Variants in ANKRD42 observed in about 807,000 individuals in gnomAD.
The protein encoded by ANKRD42 is ankyrin repeat domain-containing protein 42.
In ANKRD42, 43 loss-of-function variants were observed where a neutral mutation model predicts 51.5. The observed-to-expected ratio is 0.83, with a 90% CI of 0.65 to 1.08. The LOEUF (loss-of-function observed/expected upper bound fraction) is 1.08. ANKRD42 is among the 50% of genes least tolerant of loss of function. The probability of loss-of-function intolerance (pLI) is 0.00; values close to 1 mark genes in which losing one functional copy is unlikely to be tolerated. For synonymous variants in ANKRD42, 203 were observed against 213.0 expected (o/e 0.95, Z 0.41); for missense variants, 608 against 629.3 (o/e 0.97, Z 0.36).
chr11:83,244,421 C>T (rs929753632), intron 9 of ANKRD42, among the ~76,000 whole-genome samples: 2 of 152,174 alleles, frequency 1.3e-5, no homozygotes, highest in African/African-American at 4.8e-5. Flanking sequence ...ATAGATAAAT[C>T]ATTGGTGTTA....
rs1863521384 is a variant in ANKRD42, at chr11:83,245,639, A to G, written c.1322+15A>G. On this transcript the variant is annotated intron_variant, in intron 10 of 10. Coordinates refer to ENST00000533342, the MANE Select transcript of ANKRD42 (RefSeq NM_001300975.2). ...GAGTCTGAAAAGTAATGTCCTTAAA[A>G]CTTTAATGATTTGTTTTTAAATACC... 2.0e-6 allele frequency: 3 copies of G among 1,525,012 alleles called. No homozygotes were observed. The highest frequency in any genetic ancestry group is 2.1e-5 in the Admixed American group (1 of 47,802). 94.5% of individuals were successfully genotyped at this position (1,525,012 alleles called of 1,614,324 possible). A position where few individuals can be genotyped will look rare whatever the true frequency, so the allele number is the denominator to read the frequency against.
chr11:83,241,796 T>G (rs1420618000), intron 9 of ANKRD42, among the ~76,000 whole-genome samples: 1 of 152,170 alleles, frequency 6.6e-6, no homozygotes, highest in East Asian at 1.9e-4. Context: ...TGTGATCTGA[T>G]TCACATTTAA....
intron 5 of ANKRD42, among the ~76,000 whole-genome samples, chr11:83,216,906 C>T (rs769799932): frequency 2.0e-5 from 3 of 152,166 alleles, no homozygotes; most frequent in Non-Finnish European, 2.9e-5. Flanking sequence ...GGGAACTGGG[C>T]GGCAGTCATT....
chr11:83,218,543 T>C (rs2135518054), intron 5 of ANKRD42, among the ~76,000 whole-genome samples: 1 of 152,308 alleles, frequency 6.6e-6, no homozygotes, highest in East Asian at 1.9e-4. Flanking sequence ...TCCGAGAATT[T>C]CCCTAAATCT....
At chr11:83,254,631 G>C (rs1052055753) in intron 11 of ANKRD42, among the ~76,000 whole-genome samples, 3 of 151,916 alleles carry the variant, frequency 2.0e-5, no homozygotes, top group African/African-American at 7.3e-5. Context: ...GGGTTGGCCA[G>C]GCTAGTCTTG....
chr11:83,258,760 TA>T (rs1863817890), downstream of ANKRD42, among the ~76,000 whole-genome samples: 2 of 152,026 alleles, frequency 1.3e-5, no homozygotes, highest in Non-Finnish European at 2.9e-5. Flanking sequence ...ACTTAAAAAA[TA>T]AACAAGTGTT....
At chr11:83,243,099 T>TATGA (rs1863442301) in intron 9 of ANKRD42, among the ~76,000 whole-genome samples, 2 of 152,334 alleles carry the variant, frequency 1.3e-5, no homozygotes, top group Admixed American at 6.5e-5. Flanking sequence ...ACCAGCAGTG[T>TATGA]ATGAATGTTC....
Position 83,194,696 on chromosome 11 carries a change from C to T in ANKRD42, c.26C>T (p.Pro9Leu). 6.2e-7 allele frequency: 1 copy of T among 1,612,344 alleles called. No homozygotes were observed. The highest frequency in any genetic ancestry group is 8.5e-7 in the Non-Finnish European group (1 of 1,179,124). ...ATGCCCGGGGTGGCCAATTCAGGCC[C>T]CTCCACTTCCTCTAGGGAGACTGCA... MPGVANSG[P>L]STSSRETANP... Residue 9 changes from proline (P) to leucine (L), a missense_variant, in exon 1 of 11, where the codon CCC becomes CTC. Pro to Leu is a moderately conservative substitution (Grantham distance 98, BLOSUM62 -3). Transcript: ENST00000533342.
intron 5 of ANKRD42, among the ~76,000 whole-genome samples, chr11:83,223,759 T>G (rs1862788081): frequency 6.6e-6 from 1 of 152,186 alleles, no homozygotes; most frequent in Non-Finnish European, 1.5e-5. Flanking sequence ...TTGTCTTATC[T>G]GGACTTCTTT....
chr11:83,216,514 CG>C (rs533782531), intron 5 of ANKRD42, among the ~76,000 whole-genome samples: 9 of 151,740 alleles, frequency 5.9e-5, no homozygotes, highest in African/African-American at 2.2e-4. Context: ...TTAGTAGAGA[CG>C]GGGTTTCACC....
intron 7 of ANKRD42, among the ~76,000 whole-genome samples, chr11:83,228,605 A>G (rs1862971030): frequency 6.6e-6 from 1 of 152,078 alleles, no homozygotes; most frequent in Non-Finnish European, 1.5e-5. Context: ...TTTGAATTGG[A>G]CTTTATTTCA....
chr11:83,209,528 A>G lies in ANKRD42; in HGVS notation c.331-772A>G. ...CCATTTGATGTCTGAATCTGAATGGAGGAATCTTGGCGTTCAGCAGAGTCA... is the reference window on the plus strand; with the variant it reads ...CCATTTGATGTCTGAATCTGAATGGGGGAATCTTGGCGTTCAGCAGAGTCA... On this transcript the variant is annotated intron_variant, in intron 3 of 10. Transcript: ENST00000533342. 6 of 1,045,206 alleles carry G rather than the reference A, an allele frequency of 5.7e-6. No homozygotes were observed. The South Asian group carries it at 7.5e-5, about 13-fold the overall frequency. The allele number at this position is 1,045,206 out of a possible 1,614,324, so 64.7% of individuals were successfully genotyped here. A position where few individuals can be genotyped will look rare whatever the true frequency, so the allele number is the denominator to read the frequency against.
At chr11:83,256,429 C>T (rs759968827), downstream of ANKRD42, among the ~76,000 whole-genome samples, 27 of 152,072 alleles carry the variant, frequency 1.8e-4, no homozygotes, top group Non-Finnish European at 3.7e-4. Flanking sequence ...GGATAAGAAA[C>T]ACTTGGCTTT....
downstream of ANKRD42, among the ~76,000 whole-genome samples, chr11:83,257,666 T>C (rs656515): frequency 0.72 from 108,769 of 152,110 alleles, 39,712 homozygotes; most frequent in African/African-American, 0.85. Flanking sequence ...CCATTTATCT[T>C]CCCTTCTGGG....
At chr11:83,240,611 T>C (rs1863356742) in intron 8 of ANKRD42, 148 bp from the exon 9 acceptor site, 1 of 727,912 alleles carries the variant, frequency 1.4e-6, no homozygotes, top group Admixed American at 3.1e-5. Flanking sequence ...TATGTCAAAT[T>C]GTCACTGACC....
intron 2 of ANKRD42, among the ~76,000 whole-genome samples, chr11:83,200,332 T>C (rs1009651183): frequency 6.6e-5 from 10 of 152,198 alleles, no homozygotes; most frequent in African/African-American, 2.4e-4. Context: ...TTTGGCTTTA[T>C]CGCTTCTACA....
At chr11:83,203,690 C>T (rs1203356057) in intron 2 of ANKRD42, among the ~76,000 whole-genome samples, 3 of 152,128 alleles carry the variant, frequency 2.0e-5, no homozygotes, top group African/African-American at 7.2e-5. Context: ...CCGCGTCTGG[C>T]CCTAAATCTT....
intron 7 of ANKRD42, among the ~76,000 whole-genome samples, chr11:83,229,896 T>A (rs1158991336): frequency 6.6e-6 from 1 of 152,102 alleles, no homozygotes; most frequent in Non-Finnish European, 1.5e-5. Flanking sequence ...GTTTATGGGG[T>A]ATGTGAGATG....
At chr11:83,204,733 T>C (rs190253347) in intron 2 of ANKRD42, among the ~76,000 whole-genome samples, 264 of 152,156 alleles carry the variant, frequency 1.7e-3, no homozygotes, top group Non-Finnish European at 2.5e-3. Context: ...CTTATAAAAC[T>C]TACAGAGAAA....
Sources: gnomAD v4.1 joint callset for allele counts (sites outside exome capture counted in the v4.1 genomes callset) on GRCh38, gnomAD v4.1.1 for gene constraint, MANE v1.5 for transcripts, NCBI Gene and HGNC (gene_info 2026-07-23, HGNC 2026-07-21) for gene names.